Variants in FRYL observed in about 807,000 individuals in gnomAD.
The protein encoded by FRYL is protein furry homolog-like.
A neutral mutation model predicts 351.2 loss-of-function variants in FRYL; 150 were observed. The observed-to-expected ratio is 0.43, with a 90% CI of 0.37 to 0.49. The LOEUF is 0.49. Among genes scored for constraint, FRYL ranks in the 20% least tolerant of loss-of-function variants. The pLI, the probability that FRYL is intolerant of heterozygous loss-of-function variation, is 0.00. For missense variants in FRYL, 3,036 were observed against 3,619.3 expected (o/e 0.84, Z 4.13); for synonymous variants, 1,153 against 1,257.1 (o/e 0.92, Z 1.75).
chr4:48,670,151 T>C (rs1762414148), intron 3 of FRYL, among the ~76,000 whole-genome samples: 1 of 152,236 alleles, frequency 6.6e-6, no homozygotes, highest in East Asian at 1.9e-4. Flanking sequence ...TTTTTTACTA[T>C]AGGCTGGTGC....
chr4:48,586,424 G>T (rs1742123746), intron 19 of FRYL, among the ~76,000 whole-genome samples, 197 bp downstream of exon 19: 2 of 151,880 alleles, frequency 1.3e-5, no homozygotes, highest in African/African-American at 4.8e-5. Context: ...AAGAATTTGA[G>T]AAGTTAAAAA....
chr4:48,537,122 A>G (rs1729064263), intron 47 of FRYL, among the ~76,000 whole-genome samples: 1 of 152,220 alleles, frequency 6.6e-6, no homozygotes, highest in Admixed American at 6.5e-5. Context: ...AAAATCGCAT[A>G]ATTTTATAAC....
chr4:48,655,492 A>T (rs1758653756), intron 3 of FRYL, among the ~76,000 whole-genome samples: 2 of 151,926 alleles, frequency 1.3e-5, no homozygotes, highest in African/African-American at 4.8e-5. Flanking sequence ...AATATATGTC[A>T]ACATGCAAAA....
At chr4:48,772,301 A>T (rs539603125) in intron 1 of FRYL, among the ~76,000 whole-genome samples, 1 of 152,292 alleles carries the variant, frequency 6.6e-6, no homozygotes, top group Non-Finnish European at 1.5e-5. Flanking sequence ...CTTGATAGTC[A>T]CATGAGACCT....
intron 3 of FRYL, among the ~76,000 whole-genome samples, chr4:48,635,910 A>C (rs1203600681): frequency 2.6e-5 from 4 of 152,184 alleles, no homozygotes; most frequent in African/African-American, 9.7e-5. Context: ...TAGGATAATA[A>C]ATTTGTTCTA....
chr4:48,662,100 T>C (rs1282199049), intron 3 of FRYL, among the ~76,000 whole-genome samples: 10 of 151,916 alleles, frequency 6.6e-5, no homozygotes, highest in Admixed American at 6.6e-4. Context: ...CAGCAGCAAA[T>C]GGTCTAATAT....
At chr4:48,746,461 C>T (rs1397325008) in intron 1 of FRYL, among the ~76,000 whole-genome samples, 3 of 151,238 alleles carry the variant, frequency 2.0e-5, no homozygotes, top group Non-Finnish European at 2.9e-5. Flanking sequence ...AGAAGAATGG[C>T]GTGAACCCGG....
At chr4:48,710,873 C>G (rs1560297843) in intron 1 of FRYL, among the ~76,000 whole-genome samples, 175 bp from the exon 2 acceptor site, 1 of 152,012 alleles carries the variant, frequency 6.6e-6, no homozygotes, top group Non-Finnish European at 1.5e-5. Flanking sequence ...GAAAACATAC[C>G]CACACAAAAA....
chr4:48,756,291 CTT>C (rs1422069632), intron 1 of FRYL, among the ~76,000 whole-genome samples: 1 of 150,842 alleles, frequency 6.6e-6, no homozygotes, highest in African/African-American at 2.4e-5. Context: ...AATTGGTAAA[CTT>C]TTGTTTCCAA....
chr4:48,540,144 A>G (rs912458289), intron 46 of FRYL, 76 bp from the exon 47 acceptor site: 21 of 1,265,596 alleles, frequency 1.7e-5, no homozygotes, highest in Non-Finnish European at 2.3e-5. Context: ...ATTTTTTTAG[A>G]TGGTTCACAG....
chr4:48,641,638 T>C (rs1003804964), intron 3 of FRYL, among the ~76,000 whole-genome samples: 1 of 152,086 alleles, frequency 6.6e-6, no homozygotes, highest in African/African-American at 2.4e-5. Flanking sequence ...TGACTCCAAA[T>C]GAAAGCTACT....
At chr4:48,578,537 T>C (rs1480094196) in intron 23 of FRYL, among the ~76,000 whole-genome samples, 2 of 152,194 alleles carry the variant, frequency 1.3e-5, no homozygotes, top group Non-Finnish European at 2.9e-5. Flanking sequence ...TCCTACTCAG[T>C]GTGTTATTAC....
chr4:48,558,497 A>G (rs1249792785), intron 33 of FRYL, among the ~76,000 whole-genome samples: 1 of 152,222 alleles, frequency 6.6e-6, no homozygotes, highest in African/African-American at 2.4e-5. Context: ...AGGATGAAAA[A>G]GTTCTAGAGG....
intron 13 of FRYL, among the ~76,000 whole-genome samples, chr4:48,600,814 T>C (rs1745543622): frequency 6.6e-6 from 1 of 152,138 alleles, no homozygotes; most frequent in African/African-American, 2.4e-5. Context: ...ATAATGTAAT[T>C]AATTAAATAA....
intron 3 of FRYL, among the ~76,000 whole-genome samples, chr4:48,644,080 A>T (rs1426847774): frequency 1.3e-5 from 2 of 152,148 alleles, no homozygotes; most frequent in African/African-American, 4.8e-5. Flanking sequence ...AGTAGCTGGG[A>T]TTACAGGCAT....
chr4:48,652,611 G>A (rs1327318441), intron 3 of FRYL, among the ~76,000 whole-genome samples: 1 of 152,160 alleles, frequency 6.6e-6, no homozygotes, highest in Non-Finnish European at 1.5e-5. Flanking sequence ...TATAGGGATT[G>A]TAAATGCAGT....
chr4:48,759,155 C>T (rs1330682535), intron 1 of FRYL, among the ~76,000 whole-genome samples: 1 of 152,036 alleles, frequency 6.6e-6, no homozygotes, highest in Non-Finnish European at 1.5e-5. Context: ...GGGTGCGGCA[C>T]ACCAACATGG....
At chr4:48,560,121 T>C (rs193132141) in intron 33 of FRYL, among the ~76,000 whole-genome samples, 2 of 151,774 alleles carry the variant, frequency 1.3e-5, no homozygotes, top group Non-Finnish European at 2.9e-5. Flanking sequence ...GGAAAGGATG[T>C]GAGGAGCAAG....
intron 53 of FRYL, among the ~76,000 whole-genome samples, chr4:48,525,163 GTATATATATATATATATATA>G (rs57457069): frequency 4.0e-4 from 56 of 139,924 alleles, no homozygotes; most frequent in African/African-American, 1.0e-3. Flanking sequence ...ATTTTTAAAG[GTATATATATATATATATATA>G]TATATATATA....
Sources: allele counts gnomAD v4.1 joint callset (sites outside exome capture counted in the v4.1 genomes callset), GRCh38; gene constraint gnomAD v4.1.1; transcripts MANE v1.5; gene names NCBI Gene and HGNC (gene_info 2026-07-23, HGNC 2026-07-21).